The following MACROD2 variants were observed in gnomAD, a reference collection of about 807,000 sequenced individuals.
MACROD2 encodes the protein mono-ADP ribosylhydrolase 2.
In MACROD2, 36 loss-of-function variants were observed where a neutral mutation model predicts 70.4. The observed-to-expected ratio is 0.51, with a 90% CI of 0.39 to 0.68. The LOEUF (loss-of-function observed/expected upper bound fraction) is 0.68. Among genes scored for constraint, MACROD2 ranks in the 30% least tolerant of loss-of-function variants. The pLI, the probability that MACROD2 is intolerant of heterozygous loss-of-function variation, is 0.00. For synonymous variants in MACROD2, 172 were observed against 178.8 expected (o/e 0.96, Z 0.30); for missense variants, 496 against 538.4 (o/e 0.92, Z 0.78).
At chr20:15,760,206 A>G (rs2051415432) in intron 8 of MACROD2, among the ~76,000 whole-genome samples, 1 of 152,180 alleles carries the variant, frequency 6.6e-6, no homozygotes, top group Non-Finnish European at 1.5e-5. Flanking sequence ...CTTCACGAAA[A>G]TGACCCAGAG....
At chr20:14,410,097 T>C (rs2083733869) in intron 3 of MACROD2, among the ~76,000 whole-genome samples, 1 of 152,148 alleles carries the variant, frequency 6.6e-6, no homozygotes, top group African/African-American at 2.4e-5. Context: ...CATCAATGAT[T>C]GGCAAGAGTT....
At chr20:14,931,386 G>T (rs2074294556) in intron 5 of MACROD2, among the ~76,000 whole-genome samples, 1 of 152,068 alleles carries the variant, frequency 6.6e-6, no homozygotes. Flanking sequence ...AAAACAAAAG[G>T]CCCCTGATCC....
intron 8 of MACROD2, among the ~76,000 whole-genome samples, chr20:15,554,710 G>A (rs2048143783): frequency 6.6e-6 from 1 of 152,084 alleles, no homozygotes; most frequent in Non-Finnish European, 1.5e-5. Flanking sequence ...TCTTCTTTTG[G>A]AAATGTGAGG....
intron 8 of MACROD2, among the ~76,000 whole-genome samples, chr20:15,729,888 G>A (rs887734565): frequency 6.4e-4 from 87 of 135,932 alleles, no homozygotes; most frequent in African/African-American, 2.4e-3. Flanking sequence ...GAGTGCAATG[G>A]TGCAATCTCA....
At chr20:14,167,912 A>T (rs540121658) in intron 3 of MACROD2, among the ~76,000 whole-genome samples, 1 of 152,336 alleles carries the variant, frequency 6.6e-6, no homozygotes, top group African/African-American at 2.4e-5. Context: ...TATAAAGCGT[A>T]ATAATTGGTA....
At position 14,006,773 on chromosome 20, in the gene MACROD2, G is replaced by C. The variant is rs78642271; in HGVS notation, c.163+4369G>C. ...GTTGAATACACTAGGCTGTCCTGCA[G>C]AATTTTTTATATTTTGAATTTTGCT... On this transcript the variant is annotated intron_variant, in intron 2 of 17. Coordinates refer to ENST00000684519, the MANE Select transcript of MACROD2 (RefSeq NM_001351661.2). Among the ~76,000 whole-genome samples, 1,172 of 151,912 alleles carry C rather than the reference G, an allele frequency of 7.7e-3. 19 individuals carry two copies. Among genetic ancestry groups the C allele is most frequent in the African/African-American group, 0.026 (1,077 of 41,414 alleles).
At chr20:14,745,528 G>A (rs1896412518) in intron 5 of MACROD2, among the ~76,000 whole-genome samples, 1 of 152,182 alleles carries the variant, frequency 6.6e-6, no homozygotes, top group South Asian at 2.1e-4. Context: ...GGCTATGGCT[G>A]TGGATATAGA....
chr20:15,098,103 G>C (rs1230751695), intron 5 of MACROD2, among the ~76,000 whole-genome samples: 1 of 152,146 alleles, frequency 6.6e-6, no homozygotes, highest in Non-Finnish European at 1.5e-5. Flanking sequence ...CCTAGGTTTA[G>C]AGGGGCCTGG....
chr20:15,841,077 C>G (rs1232721845), intron 8 of MACROD2, among the ~76,000 whole-genome samples: 1 of 152,136 alleles, frequency 6.6e-6, no homozygotes, highest in Admixed American at 6.6e-5. Context: ...ATCCTCATCT[C>G]ACATCTGGAT....
intron 5 of MACROD2, among the ~76,000 whole-genome samples, chr20:14,835,512 T>A (rs574919562): frequency 6.6e-6 from 1 of 152,170 alleles, no homozygotes; most frequent in African/African-American, 2.4e-5. Context: ...GTCCTTGGTC[T>A]ACTAGAGAAA....
intron 8 of MACROD2, among the ~76,000 whole-genome samples, chr20:15,681,786 G>T (rs2050163246): frequency 1.3e-5 from 2 of 152,152 alleles, no homozygotes; most frequent in African/African-American, 4.8e-5. Context: ...TGTTACATGA[G>T]GTGTGTAATG....
chr20:14,989,490 A>G (rs1485396454), intron 5 of MACROD2, among the ~76,000 whole-genome samples: 2 of 152,190 alleles, frequency 1.3e-5, no homozygotes, highest in Non-Finnish European at 2.9e-5. Flanking sequence ...GGCAGATTCA[A>G]GAAAAGGGAG....
At chr20:14,729,820 A>G (rs1858225562) in intron 5 of MACROD2, among the ~76,000 whole-genome samples, 1 of 152,172 alleles carries the variant, frequency 6.6e-6, no homozygotes, top group South Asian at 2.1e-4. Context: ...AGAAGTCACC[A>G]TGATCTAGGA....
At chr20:14,748,153 G>C (rs1476284209) in intron 5 of MACROD2, among the ~76,000 whole-genome samples, 1 of 151,900 alleles carries the variant, frequency 6.6e-6, no homozygotes, top group African/African-American at 2.4e-5. Flanking sequence ...ATTTAACCCA[G>C]TTAGTTCCTA....
At chr20:14,829,570 T>A (rs1043345508) in intron 5 of MACROD2, among the ~76,000 whole-genome samples, 3 of 151,856 alleles carry the variant, frequency 2.0e-5, no homozygotes, top group African/African-American at 7.3e-5. Flanking sequence ...TTTTTAAGAG[T>A]CATAAGCAAA....
At chr20:15,084,088 G>A (rs117072801) in intron 5 of MACROD2, among the ~76,000 whole-genome samples, 648 of 37,408 alleles carry the variant, frequency 0.017, 4 homozygotes, top group African/African-American at 0.053. Context: ...TTTTTTTAAT[G>A]AAGTTTTGCT....
rs199910638 is a variant in MACROD2 at position 14,849,983 on chromosome 20, G to A, written c.418+165024G>A. ...GATCTATTACTTCAATCACTCCACCGAAAAATCTACCAAAGATTAAGTATG... is the reference window on the plus strand; with the variant it reads ...GATCTATTACTTCAATCACTCCACCAAAAAATCTACCAAAGATTAAGTATG... On this transcript the variant is annotated intron_variant, in intron 5 of 17. Transcript: ENST00000684519. The A allele has an allele frequency of 1.3e-4, 68 of 516,700 alleles. 1 individual carries two copies. Among genetic ancestry groups the A allele is most frequent in the Admixed American group, 7.8e-4 (40 of 51,140 alleles). The allele number at this position is 516,700 out of a possible 1,614,324, so 32.0% of individuals were successfully genotyped here. A position where few individuals can be genotyped will look rare whatever the true frequency, so the allele number is the denominator to read the frequency against.
intron 4 of MACROD2, among the ~76,000 whole-genome samples, chr20:14,600,343 T>TATATATATATATATATATACAC (rs1320891260): frequency 5.4e-5 from 7 of 130,216 alleles, no homozygotes; most frequent in African/African-American, 2.2e-4. Flanking sequence ...TATATATATA[T>TATATATATATATATATATACAC]ACACACACAC....
chr20:14,950,804 T>A (rs2074469471), intron 5 of MACROD2, among the ~76,000 whole-genome samples: 1 of 152,184 alleles, frequency 6.6e-6, no homozygotes, highest in African/African-American at 2.4e-5. Flanking sequence ...TTAGGGAGAA[T>A]GTTTTAGTGA....
Sources: gnomAD v4.1 joint callset for allele counts (sites outside exome capture counted in the v4.1 genomes callset) on GRCh38, gnomAD v4.1.1 for gene constraint, MANE v1.5 for transcripts, NCBI Gene and HGNC (gene_info 2026-07-23, HGNC 2026-07-21) for gene names.